OTUD7A: variants seen among roughly 807,000 people sequenced by gnomAD.
The protein encoded by OTUD7A is OTU deubiquitinase 7A, also known as OTU domain-containing protein 7A.
OTUD7A carries 12 observed loss-of-function variants against 65.7 expected under a neutral mutation model. The ratio of observed to expected loss-of-function variants is 0.18; its 90% CI spans 0.12 to 0.30. The LOEUF is 0.30. Ranked by LOEUF, OTUD7A falls within the 10% of genes least tolerant of loss-of-function variation. The pLI is 1.00. For synonymous variants in OTUD7A, 641 were observed against 586.3 expected, an observed-to-expected ratio of 1.09 and a Z score of -1.35; for missense variants, 1,148 against 1,304.8, an observed-to-expected ratio of 0.88 and a Z score of 1.85.
intron 1 of OTUD7A, among the ~76,000 whole-genome samples, chr15:31,784,561 A>G (rs1895622763): frequency 6.6e-6 from 1 of 152,202 alleles, no homozygotes; most frequent in Admixed American, 6.5e-5. Flanking sequence ...TATTTTATAA[A>G]TTCTCAGTAT....
chr15:31,605,162 G>C (rs1372339126), intron 3 of OTUD7A, among the ~76,000 whole-genome samples: 3 of 152,180 alleles, frequency 2.0e-5, no homozygotes, highest in African/African-American at 7.2e-5. Context: ...TACTCTCTCT[G>C]TGCTGTGTAG....
intron 8 of OTUD7A, among the ~76,000 whole-genome samples, chr15:31,522,847 G>A (rs926974053): frequency 2.6e-5 from 4 of 152,194 alleles, no homozygotes; most frequent in African/African-American, 9.7e-5. Flanking sequence ...ACGTGACATA[G>A]TTGCTTTCTG....
chr15:31,767,349 A>G, intron 1 of OTUD7A: 1 of 776,178 alleles, frequency 1.3e-6, no homozygotes, highest in Non-Finnish European at 2.4e-6. Context: ...AAAAGTAAGT[A>G]GAGGTTCAGG....
intron 1 of OTUD7A, among the ~76,000 whole-genome samples, chr15:31,868,740 C>T (rs1457039986): frequency 6.6e-6 from 1 of 152,178 alleles, no homozygotes; most frequent in African/African-American, 2.4e-5. Context: ...GGAAAACCTG[C>T]CATCTATGAT....
At chr15:31,618,700 A>G (rs1365560277) in intron 3 of OTUD7A, among the ~76,000 whole-genome samples, 1 of 152,178 alleles carries the variant, frequency 6.6e-6, no homozygotes, top group Non-Finnish European at 1.5e-5. Context: ...AGTAAATTGC[A>G]AAAATTTTCT....
intron 8 of OTUD7A, among the ~76,000 whole-genome samples, chr15:31,524,178 C>A (rs953618315): frequency 1.3e-5 from 2 of 151,736 alleles, no homozygotes; most frequent in African/African-American, 4.8e-5. Context: ...ACTGGAAACA[C>A]CTGTTGCTGA....
At chr15:31,622,200 T>G (rs1285528505) in intron 3 of OTUD7A, among the ~76,000 whole-genome samples, 4 of 152,228 alleles carry the variant, frequency 2.6e-5, no homozygotes, top group Non-Finnish European at 1.5e-5. Context: ...CTTAACATTT[T>G]TTCCTTCATT....
At chr15:31,492,030 G>T (rs1185873532) in intron 10 of OTUD7A, among the ~76,000 whole-genome samples, 1 of 152,208 alleles carries the variant, frequency 6.6e-6, no homozygotes, top group East Asian at 1.9e-4. Flanking sequence ...TATGGTACCA[G>T]TAGAAACTTG....
intron 8 of OTUD7A, among the ~76,000 whole-genome samples, chr15:31,525,120 G>A (rs566840893): frequency 6.6e-6 from 1 of 152,318 alleles, no homozygotes; most frequent in Admixed American, 6.5e-5. Context: ...CCTGGATCCA[G>A]TCTGCCAGCA....
chr15:31,820,786 C>G (rs1354484105), intron 1 of OTUD7A, among the ~76,000 whole-genome samples: 1 of 151,814 alleles, frequency 6.6e-6, no homozygotes, highest in Non-Finnish European at 1.5e-5. Flanking sequence ...ATTTTTTGAC[C>G]AGCTTTATTA....
Position 31,484,027 on chromosome 15 carries a change from G to A in OTUD7A, c.2069C>T (p.Ala690Val). 8.1e-7 allele frequency: 1 copy of A among 1,238,544 alleles called. No homozygotes were observed. The highest frequency in any genetic ancestry group is 1.0e-6 in the Non-Finnish European group (1 of 994,510). 76.7% of individuals were successfully genotyped at this position (1,238,544 alleles called of 1,614,324 possible). A position where few individuals can be genotyped will look rare whatever the true frequency, so the allele number is the denominator to read the frequency against. The change falls in exon 13 of 13, where the codon GCC (alanine) becomes GTC (valine). Residue 690 changes from alanine (A) to valine (V), a missense_variant. By Grantham distance (64) the Ala-to-Val change is moderately conservative (BLOSUM62 0). This residue lies in a region of OTUD7A where 842 missense variants were observed against 769.5 expected (regional missense o/e 1.09). Coordinates refer to ENST00000307050, the MANE Select transcript of OTUD7A (RefSeq NM_001382637.1). The surrounding 1 kb of genome is among the most constrained non-coding windows in gnomAD (Gnocchi z 4.5). ...GGCCGTGGCGGCGGCGGCGGCGGCG[G>A]CAGCGGCGGCCGCAGTAGCGGCGTC... ...RRDAATAAAA[A>V]AAAAAATAKR... is the part of the protein sequence containing the mutation.
chr15:31,834,205 GA>G (rs1472388312), intron 1 of OTUD7A, among the ~76,000 whole-genome samples: 1 of 152,152 alleles, frequency 6.6e-6, no homozygotes, highest in Non-Finnish European at 1.5e-5. Flanking sequence ...AAATCAAACA[GA>G]TAAAAGAATA....
At chr15:31,660,018 T>A (rs1392640014) in intron 1 of OTUD7A, among the ~76,000 whole-genome samples, 1 of 152,280 alleles carries the variant, frequency 6.6e-6, no homozygotes, top group African/African-American at 2.4e-5. Context: ...GCAGTAAGGA[T>A]ACAGTGAGAT....
intron 3 of OTUD7A, among the ~76,000 whole-genome samples, chr15:31,630,874 T>C (rs4401015): frequency 0.16 from 24,019 of 151,050 alleles, 148 homozygotes; most frequent in East Asian, 0.22. Context: ...TCTTTGCTGG[T>C]TTAAAGTCTG....
At chr15:31,816,312 G>A (rs1285775483) in intron 1 of OTUD7A, among the ~76,000 whole-genome samples, 1 of 152,158 alleles carries the variant, frequency 6.6e-6, no homozygotes, top group Non-Finnish European at 1.5e-5. Flanking sequence ...AACCAGAAAA[G>A]GGAGGAAAAA....
intron 1 of OTUD7A, among the ~76,000 whole-genome samples, chr15:31,751,732 CA>C (rs1894641747): frequency 6.6e-6 from 1 of 152,006 alleles, no homozygotes; most frequent in Non-Finnish European, 1.5e-5. Context: ...ACTCTGCAGC[CA>C]AAAAAAGGAT....
At chr15:31,570,960 C>A (rs1264301947) in intron 3 of OTUD7A, among the ~76,000 whole-genome samples, 1 of 152,178 alleles carries the variant, frequency 6.6e-6, no homozygotes, top group Non-Finnish European at 1.5e-5. Flanking sequence ...AGGCATCATC[C>A]TATAGCACGA....
chr15:31,606,425 G>T (rs1408859206), intron 3 of OTUD7A, among the ~76,000 whole-genome samples: 1 of 152,150 alleles, frequency 6.6e-6, no homozygotes, highest in Admixed American at 6.5e-5. Context: ...TAGTATTGGT[G>T]GCTTTTGGAG....
chr15:31,726,334 C>G (rs1414217071), intron 1 of OTUD7A, among the ~76,000 whole-genome samples: 2 of 60,426 alleles, frequency 3.3e-5, no homozygotes, highest in Non-Finnish European at 3.6e-5. Context: ...TCGAATTACA[C>G]ACACACACAC....
Sources: allele counts gnomAD v4.1 joint callset (sites outside exome capture counted in the v4.1 genomes callset), GRCh38; gene constraint gnomAD v4.1.1; regional missense constraint gnomAD v4.1.1; non-coding constraint Gnocchi (gnomAD v3.1); transcripts MANE v1.5; gene names NCBI Gene and HGNC (gene_info 2026-07-23, HGNC 2026-07-21).